Variants in HDAC5 observed in about 807,000 individuals in gnomAD.
The protein encoded by HDAC5 is histone deacetylase 5.
Under a neutral mutation model 133.3 loss-of-function variants are expected in HDAC5, and 25 were observed. The ratio of observed to expected loss-of-function variants is 0.19; its 90% CI spans 0.14 to 0.26. The LOEUF (loss-of-function observed/expected upper bound fraction) is 0.26. Among genes scored for constraint, HDAC5 ranks in the 10% least tolerant of loss-of-function variants. The pLI, the probability that HDAC5 is intolerant of heterozygous loss-of-function variation, is 1.00. For missense variants in HDAC5, 1,041 were observed against 1,460.5 expected, an observed-to-expected ratio of 0.71 and a Z score of 4.68; for synonymous variants, 589 against 610.8, an observed-to-expected ratio of 0.96 and a Z score of 0.53.
Position 44,091,210 on chromosome 17 carries a change from A to G in HDAC5, c.1387+60T>C, listed in dbSNP as rs1430293093. 33 of 1,253,202 alleles carry G rather than the reference A, an allele frequency of 2.6e-5. No homozygotes were observed. In the Admixed American group the frequency reaches 6.5e-4, roughly 25 times the overall value. 77.6% of individuals were successfully genotyped at this position (1,253,202 alleles called of 1,614,324 possible). The stretch of plus-strand genomic sequence containing the variant: ...GGGAACTGTGACAGGGTTGGAGAGT[A>G]TCCCTGACAGTTGGTCCTGACCTTA... On this transcript the variant is annotated intron_variant, in intron 11 of 26. Coordinates refer to ENST00000682912, the MANE Select transcript of HDAC5 (RefSeq NM_005474.5).
chr17:44,092,992 C>A, intron 6 of HDAC5, 100 bp downstream of exon 6: 1 of 807,040 alleles, frequency 1.2e-6, no homozygotes, highest in Non-Finnish European at 2.0e-6. Flanking sequence ...GATTGCAGGG[C>A]CCGTATATGG....
intron 15 of HDAC5, 129 bp from the exon 16 acceptor site, chr17:44,084,804 C>T: frequency 7.4e-7 from 1 of 1,349,706 alleles, no homozygotes. Flanking sequence ...GAAAGTAGAT[C>T]CTGGCTCTGT....
chr17:44,080,335 C>T, intron 22 of HDAC5, 66 bp downstream of exon 22: 1 of 1,557,962 alleles, frequency 6.4e-7, no homozygotes, highest in Non-Finnish European at 8.9e-7. Flanking sequence ...TGAGTGCCTT[C>T]TGCCCCTCCC....
At chr17:44,095,409 A>C (rs2143328851) in intron 3 of HDAC5, among the ~76,000 whole-genome samples, 1 of 152,178 alleles carries the variant, frequency 6.6e-6, no homozygotes, top group African/African-American at 2.4e-5. Context: ...GCCCTTGGTA[A>C]CCCCAGGAGA....
chr17:44,116,811 A>G (rs541936368), intron 2 of HDAC5, among the ~76,000 whole-genome samples: 2 of 152,200 alleles, frequency 1.3e-5, no homozygotes, highest in South Asian at 4.1e-4. Flanking sequence ...TCCCCCAAAT[A>G]GACTATTTCT....
At chr17:44,108,908 C>G (rs183858053) in intron 3 of HDAC5, among the ~76,000 whole-genome samples, 1 of 152,056 alleles carries the variant, frequency 6.6e-6, no homozygotes, top group African/African-American at 2.4e-5. Flanking sequence ...CGCCTCCCTC[C>G]TGCCAGCATG....
In HDAC5 at chr17:44,080,098, C is replaced by G. The variant is rs1460699893; in HGVS notation, c.2944+9G>C. 1 of 1,579,054 alleles carries G rather than the reference C, an allele frequency of 6.3e-7. No individual in the cohort carries two copies. Among genetic ancestry groups the G allele is most frequent in the Non-Finnish European group, 8.7e-7 (1 of 1,148,804 alleles). ...TTCACTTCCTCCCTCAATCCCCCAG[C>G]AGGCTTACATCTGGCGGTGACAGAG... On this transcript the variant is annotated intron_variant, in intron 23 of 26. Transcript: ENST00000682912.
At chr17:44,103,150 A>T (rs566521352) in intron 3 of HDAC5, among the ~76,000 whole-genome samples, 18 of 151,856 alleles carry the variant, frequency 1.2e-4, no homozygotes, top group Admixed American at 1.2e-3. Context: ...GGCCTGAGGG[A>T]GTTTGGAAGG....
Position 44,110,716 on chromosome 17 carries a change from T to A in HDAC5, c.94+13A>T. The A allele has an allele frequency of 6.2e-7, 1 of 1,611,194 alleles. No individual in the cohort carries two copies. The highest frequency in any genetic ancestry group is 8.5e-7 in the Non-Finnish European group (1 of 1,177,724). The stretch of plus-strand genomic sequence containing the variant: ...AGATGACAGAGGGCAGGCAGGGACA[T>A]CAAGGCACTTACCTGTCACAGGGAT... On this transcript the variant is annotated intron_variant, in intron 3 of 26. Transcript: ENST00000682912.
chr17:44,085,304 A>C, intron 14 of HDAC5, 149 bp from the exon 15 acceptor site: 8 of 629,786 alleles, frequency 1.3e-5, no homozygotes, highest in Admixed American at 6.9e-5. Flanking sequence ...CCTGCCACAA[A>C]CCTGCCCCCT....
rs904331540 is a variant in HDAC5, at chr17:44,123,602, G to C, written c.-288C>G. On this transcript the variant is annotated 5_prime_UTR_variant, in exon 1 of 27. Transcript: ENST00000682912. ...TCGACGGCTCCTCCATCTTTGCGGCGGCTCCTCCGGCTCCGCTCGCCGCCG... is the reference window on the plus strand; with the variant it reads ...TCGACGGCTCCTCCATCTTTGCGGCCGCTCCTCCGGCTCCGCTCGCCGCCG... The C allele has an allele frequency of 7.6e-6, 3 of 396,872 alleles. No homozygotes were observed. Among genetic ancestry groups the C allele is most frequent in the Non-Finnish European group, 1.3e-5 (3 of 225,070 alleles). 24.6% of individuals were successfully genotyped at this position (396,872 alleles called of 1,614,324 possible). A position where few individuals can be genotyped will look rare whatever the true frequency, so the allele number is the denominator to read the frequency against.
Position 44,110,974 on chromosome 17 carries a change from G to C in HDAC5, c.23-174C>G, listed in dbSNP as rs988978690. ...AGGTTCCCTCAGGCCACTGCCGACG[G>C]GACCCACACTGTAGGGAAGTGCCTC... On this transcript the variant is annotated intron_variant, in intron 2 of 26. Transcript: ENST00000682912. 1.2e-4 allele frequency: 75 copies of C among 619,908 alleles called. 2 individuals are homozygous for C. Among genetic ancestry groups the C allele is most frequent in the African/African-American group, 1.2e-3 (66 of 55,264 alleles). 38.4% of individuals were successfully genotyped at this position (619,908 alleles called of 1,614,324 possible).
chr17:44,081,003 G>A (rs1158727296), intron 20 of HDAC5, 121 bp from the exon 21 acceptor site: 2 of 1,359,528 alleles, frequency 1.5e-6, no homozygotes, highest in African/African-American at 2.9e-5. Context: ...GGAGGCTGAG[G>A]GCTGGGAGGA....
rs2050184644 is a variant in HDAC5, at chr17:44,077,793, C to CA, written c.*582dup. 2 of 152,768 alleles carry CA rather than the reference C, an allele frequency of 1.3e-5. No individual in the cohort carries two copies. Among genetic ancestry groups the CA allele is most frequent in the East Asian group, 3.9e-4 (2 of 5,180 alleles). The allele number at this position is 152,768 out of a possible 1,614,324, so 9.5% of individuals were successfully genotyped here. On this transcript the variant is annotated 3_prime_UTR_variant, in exon 27 of 27. Coordinates refer to ENST00000682912, the MANE Select transcript of HDAC5 (RefSeq NM_005474.5). The stretch of plus-strand genomic sequence containing the variant: ...CACAGCTTGGGCACCAGCCTCCCAT[C>CA]AGTGCTGAGACCAAGAGGAAGGAGG...
At chr17:44,104,235 C>T (rs1249643048) in intron 3 of HDAC5, among the ~76,000 whole-genome samples, 2 of 151,762 alleles carry the variant, frequency 1.3e-5, no homozygotes, top group East Asian at 2.0e-4. Flanking sequence ...AACCCAGAGG[C>T]GGAGGTTGCA....
intron 3 of HDAC5, among the ~76,000 whole-genome samples, chr17:44,107,289 C>A (rs2052018292): frequency 6.6e-6 from 1 of 152,092 alleles, no homozygotes; most frequent in Admixed American, 6.6e-5. Flanking sequence ...AATTATACAC[C>A]ACAGCTATCA....
intron 3 of HDAC5, among the ~76,000 whole-genome samples, chr17:44,102,867 C>T (rs1016220804): frequency 2.6e-5 from 4 of 151,970 alleles, no homozygotes; most frequent in African/African-American, 9.7e-5. Flanking sequence ...AGGGTTTCAC[C>T]GTGTTAGCCA....
intron 1 of HDAC5, 188 bp downstream of exon 1, chr17:44,123,316 C>T (rs1036351129): frequency 9.2e-6 from 3 of 326,940 alleles, no homozygotes; most frequent in South Asian, 1.6e-4. Flanking sequence ...ACCCCGATGT[C>T]CCGCTCACGG....
chr17:44,107,709 A>T (rs2052056046), intron 3 of HDAC5, among the ~76,000 whole-genome samples: 1 of 151,314 alleles, frequency 6.6e-6, no homozygotes, highest in Non-Finnish European at 1.5e-5. Context: ...TGCACTTCTT[A>T]CCCTCCCGGC....
Sources: allele counts gnomAD v4.1 joint callset (sites outside exome capture counted in the v4.1 genomes callset), GRCh38; gene constraint gnomAD v4.1.1; transcripts MANE v1.5; gene names NCBI Gene and HGNC (gene_info 2026-07-23, HGNC 2026-07-21).